The following FBXL13 variants were observed in gnomAD, a reference collection of about 807,000 sequenced individuals.
FBXL13 encodes the protein F-box and leucine-rich repeat protein 13.
FBXL13 carries 67 observed loss-of-function variants against 83.6 expected under a neutral mutation model. The ratio of observed to expected loss-of-function variants is 0.80; its 90% CI spans 0.66 to 0.98. FBXL13 has a LOEUF of 0.98. Ranked by LOEUF, FBXL13 falls within the 50% of genes least tolerant of loss-of-function variation. The pLI, the probability that FBXL13 is intolerant of heterozygous loss-of-function variation, is 0.00. For synonymous variants in FBXL13, 272 were observed against 299.5 expected (o/e 0.91, Z 0.95); for missense variants, 822 against 866.5 (o/e 0.95, Z 0.64).
chr7:102,909,350 C>G (rs1584882877), intron 11 of FBXL13, among the ~76,000 whole-genome samples: 1 of 152,258 alleles, frequency 6.6e-6, no homozygotes, highest in Admixed American at 6.5e-5. Context: ...GAGTCAAGTC[C>G]TGGAATCGCG....
chr7:103,074,661 G>C, upstream of FBXL13: 1 of 1,281,382 alleles, frequency 7.8e-7, no homozygotes, highest in South Asian at 1.2e-5. Flanking sequence ...ACTCCCCACC[G>C]ACGGTCTGTG....
intron 2 of FBXL13, among the ~76,000 whole-genome samples, chr7:103,052,941 G>A (rs987983051): frequency 6.6e-6 from 1 of 151,798 alleles, no homozygotes; most frequent in African/African-American, 2.4e-5. Flanking sequence ...ATTTTTGGTA[G>A]AGACAGGATT....
intron 17 of FBXL13, among the ~76,000 whole-genome samples, chr7:102,852,581 A>G (rs1205841825): frequency 6.6e-6 from 1 of 152,192 alleles, no homozygotes; most frequent in Admixed American, 6.5e-5. Context: ...AAACATATGA[A>G]AAAAAATGCT....
chr7:102,974,023 G>A (rs530329439), intron 6 of FBXL13, among the ~76,000 whole-genome samples: 4 of 152,108 alleles, frequency 2.6e-5, no homozygotes, highest in South Asian at 4.2e-4. Flanking sequence ...CTGTTTTCCC[G>A]AGCCTACCCT....
intron 11 of FBXL13, among the ~76,000 whole-genome samples, chr7:102,899,854 G>A (rs561117636): frequency 2.0e-5 from 3 of 152,210 alleles, no homozygotes; most frequent in Non-Finnish European, 2.9e-5. Flanking sequence ...TGGGCAACCT[G>A]AGGTTGGGAA....
intron 8 of FBXL13, chr7:102,942,454 GT>G: frequency 2.4e-6 from 2 of 848,982 alleles, no homozygotes; most frequent in Non-Finnish European, 3.4e-6. Context: ...CTACTAGGGG[GT>G]TTTTACCTCC....
At chr7:103,029,952 G>C (rs187261629) in intron 2 of FBXL13, among the ~76,000 whole-genome samples, 2 of 152,202 alleles carry the variant, frequency 1.3e-5, no homozygotes, top group East Asian at 3.9e-4. Flanking sequence ...ATAACATGTG[G>C]CAACAGCTAA....
At chr7:102,881,058 T>C (rs1336069003) in intron 14 of FBXL13, among the ~76,000 whole-genome samples, 1 of 152,206 alleles carries the variant, frequency 6.6e-6, no homozygotes, top group East Asian at 1.9e-4. Context: ...CAGCAGTATA[T>C]TGAAAATATA....
intron 11 of FBXL13, among the ~76,000 whole-genome samples, chr7:102,894,868 C>T (rs908634378): frequency 6.6e-6 from 1 of 152,102 alleles, no homozygotes; most frequent in African/African-American, 2.4e-5. Flanking sequence ...TCAAGCCTTG[C>T]TCTAGCAAGT....
chr7:102,879,896 C>T (rs1028949923), intron 14 of FBXL13, among the ~76,000 whole-genome samples: 3 of 152,016 alleles, frequency 2.0e-5, no homozygotes, highest in Admixed American at 6.6e-5. Flanking sequence ...TTAGTAGAGA[C>T]GGGGTTTCAC....
intron 17 of FBXL13, among the ~76,000 whole-genome samples, chr7:102,853,417 C>A (rs1465716495): frequency 2.6e-5 from 4 of 152,068 alleles, no homozygotes; most frequent in Non-Finnish European, 5.9e-5. Flanking sequence ...CATAAAAACC[C>A]TAGAAGAAAA....
chr7:102,992,142 G>A (rs187102652), intron 6 of FBXL13, among the ~76,000 whole-genome samples: 23 of 152,216 alleles, frequency 1.5e-4, no homozygotes, highest in Non-Finnish European at 2.4e-4. Context: ...CAAGGCAGGG[G>A]GAGGGTGAGG....
At chr7:103,068,021 A>G (rs1365862885) in intron 1 of FBXL13, among the ~76,000 whole-genome samples, 1 of 152,242 alleles carries the variant, frequency 6.6e-6, no homozygotes, top group Admixed American at 6.5e-5. Context: ...AGATAAGTGG[A>G]TGAAGAAATG....
chr7:103,018,099 A>AATCCC (rs1217089348), intron 6 of FBXL13, among the ~76,000 whole-genome samples: 3 of 152,236 alleles, frequency 2.0e-5, no homozygotes, highest in Non-Finnish European at 4.4e-5. Context: ...CCACAAAGGG[A>AATCCC]ATCCCATCAG....
intron 1 of FBXL13, among the ~76,000 whole-genome samples, chr7:103,058,293 G>A (rs1184984583): frequency 6.6e-6 from 1 of 152,154 alleles, no homozygotes; most frequent in Non-Finnish European, 1.5e-5. Context: ...CTGCTTACAA[G>A]TGCTCAGCCA....
At chr7:102,916,104 T>C (rs1815814538) in intron 10 of FBXL13, among the ~76,000 whole-genome samples, 1 of 151,958 alleles carries the variant, frequency 6.6e-6, no homozygotes, top group African/African-American at 2.4e-5. Context: ...CTGCCTCAGC[T>C]TCCCAAGTAG....
chr7:102,936,472 G>A (rs1370982388), intron 8 of FBXL13: 3 of 152,190 alleles, frequency 2.0e-5, no homozygotes, highest in African/African-American at 7.2e-5. Flanking sequence ...ATTTCAAAGA[G>A]TAAGTAAATG....
intron 19 of FBXL13, among the ~76,000 whole-genome samples, chr7:102,821,016 TATAA>T (rs1798733997): frequency 6.6e-6 from 1 of 152,358 alleles, no homozygotes; most frequent in East Asian, 1.9e-4. Flanking sequence ...TATTACCTCT[TATAA>T]ATAGTGATTG....
chr7:102,873,253 A>G (rs1034384183), intron 16 of FBXL13, among the ~76,000 whole-genome samples: 7 of 152,202 alleles, frequency 4.6e-5, no homozygotes, highest in Non-Finnish European at 7.3e-5. Flanking sequence ...TTGCAAGTGA[A>G]TCAAACTAAA....
Sources: allele counts gnomAD v4.1 joint callset (sites outside exome capture counted in the v4.1 genomes callset), GRCh38; gene constraint gnomAD v4.1.1; transcripts MANE v1.5; gene names NCBI Gene and HGNC (gene_info 2026-07-23, HGNC 2026-07-21).